The following THRAP3 variants were observed in gnomAD, a reference collection of about 807,000 sequenced individuals.
THRAP3 encodes the protein thyroid hormone receptor-associated protein 3.
In THRAP3, 16 loss-of-function variants were observed where a neutral mutation model predicts 101.0. The ratio of observed to expected loss-of-function variants is 0.16; its 90% CI spans 0.11 to 0.24. The LOEUF (loss-of-function observed/expected upper bound fraction) is 0.24. THRAP3 is among the 10% of genes least tolerant of loss of function. The pLI, the probability that THRAP3 is intolerant of heterozygous loss-of-function variation, is 1.00. For missense variants in THRAP3, 989 were observed against 1,202.7 expected, an observed-to-expected ratio of 0.82 and a Z score of 2.63; for synonymous variants, 407 against 422.6, an observed-to-expected ratio of 0.96 and a Z score of 0.45.
At chr1:36,282,321 A>G (rs151338428) in intron 2 of THRAP3, among the ~76,000 whole-genome samples, 4 of 147,860 alleles carry the variant, frequency 2.7e-5, no homozygotes, top group Non-Finnish European at 4.5e-5. Flanking sequence ...GTAACTTTGC[A>G]CTCCCTCCTG....
chr1:36,247,531 G>T (rs1427955036), intron 1 of THRAP3, among the ~76,000 whole-genome samples: 1 of 151,952 alleles, frequency 6.6e-6, no homozygotes, highest in African/African-American at 2.4e-5. Flanking sequence ...TTACCATGTT[G>T]GCCAAGCTGG....
At chr1:36,299,414 G>C (rs1327579992) in intron 9 of THRAP3, among the ~76,000 whole-genome samples, 1 of 151,852 alleles carries the variant, frequency 6.6e-6, no homozygotes, top group Admixed American at 6.6e-5. Context: ...ACTCCAGCCT[G>C]GCGACAGAGT....
At chr1:36,257,919 C>T (rs980390077) in intron 1 of THRAP3, among the ~76,000 whole-genome samples, 1 of 152,230 alleles carries the variant, frequency 6.6e-6, no homozygotes, top group Non-Finnish European at 1.5e-5. Context: ...CGGCACACTG[C>T]AACCTCTGCT....
intron 9 of THRAP3, among the ~76,000 whole-genome samples, chr1:36,298,299 A>G (rs1027625636): frequency 1.3e-5 from 2 of 152,144 alleles, no homozygotes; most frequent in Non-Finnish European, 2.9e-5. Context: ...GCGAATCCTC[A>G]GCAGGGAATG....
the THRAP3 span, among the ~76,000 whole-genome samples, chr1:36,215,203 G>A: frequency 5.0e-4 from 76 of 151,988 alleles, no homozygotes; most frequent in East Asian, 0.014. Context: ...CAGCCTGGGC[G>A]ACAGAGCGAG....
intron 5 of THRAP3, 106 bp from the exon 6 acceptor site, chr1:36,291,268 G>T: frequency 8.3e-7 from 1 of 1,200,280 alleles, no homozygotes; most frequent in East Asian, 2.6e-5. Flanking sequence ...AGGAAGAAAA[G>T]AAGTTTATAG....
chr1:36,209,453 G>C, the THRAP3 span, among the ~76,000 whole-genome samples: 1 of 152,158 alleles, frequency 6.6e-6, no homozygotes, highest in Non-Finnish European at 1.5e-5. Flanking sequence ...ATACCCAGTA[G>C]ATGTCAGCAG....
chr1:36,235,054 T>C (rs374111974), intron 1 of THRAP3, among the ~76,000 whole-genome samples: 1 of 152,180 alleles, frequency 6.6e-6, no homozygotes, highest in African/African-American at 2.4e-5. Context: ...CCTCAGGTGA[T>C]CCACCCGCCT....
chr1:36,296,549 C>T, intron 8 of THRAP3, 34 bp from the exon 9 acceptor site: 2 of 1,499,214 alleles, frequency 1.3e-6, no homozygotes, highest in East Asian at 2.4e-5. Flanking sequence ...GCTCTGAATC[C>T]CAGAAACCTT....
intron 2 of THRAP3, among the ~76,000 whole-genome samples, chr1:36,278,777 G>T (rs1285584179): frequency 6.6e-6 from 1 of 151,962 alleles, no homozygotes; most frequent in African/African-American, 2.4e-5. Context: ...CAAAAAATTA[G>T]CTGGGCATGG....
intron 1 of THRAP3, chr1:36,242,179 GT>G: frequency 6.4e-6 from 1 of 157,020 alleles, no homozygotes; most frequent in Non-Finnish European, 1.4e-5. Flanking sequence ...TCATTTATTT[GT>G]TTTTTGAGAC....
chr1:36,256,910 C>G (rs1645383232), intron 1 of THRAP3, among the ~76,000 whole-genome samples: 1 of 152,140 alleles, frequency 6.6e-6, no homozygotes, highest in African/African-American at 2.4e-5. Flanking sequence ...ATTCTCCTGC[C>G]TCAGCCTCCT....
At chr1:36,282,407 T>TC in intron 2 of THRAP3, 126 bp from the exon 3 acceptor site, 3 of 677,388 alleles carry the variant, frequency 4.4e-6, no homozygotes, top group Non-Finnish European at 7.0e-6. Context: ...TTTTTTTTTT[T>TC]TTTTTGTAGA....
the THRAP3 span, among the ~76,000 whole-genome samples, chr1:36,215,833 T>C: frequency 6.6e-6 from 1 of 151,610 alleles, no homozygotes; most frequent in African/African-American, 2.4e-5. Flanking sequence ...CAACGCAACC[T>C]CTGCCTCCCG....
the THRAP3 span, among the ~76,000 whole-genome samples, chr1:36,211,569 G>A: frequency 2.0e-5 from 3 of 152,124 alleles, no homozygotes; most frequent in South Asian, 2.1e-4. Flanking sequence ...AACATCCTGA[G>A]ATTACTCCAA....
the THRAP3 span, among the ~76,000 whole-genome samples, chr1:36,211,112 C>T: frequency 2.6e-5 from 4 of 151,692 alleles, no homozygotes; most frequent in South Asian, 4.2e-4. Flanking sequence ...CATTGGGAGG[C>T]CAAAGCAGGA....
At position 36,266,966 on chromosome 1, in the gene THRAP3, C is replaced by T. The variant is rs531631142; in HGVS notation, c.-32+7482C>T. ...CACGATCTTGGCTCACTGCAGCCTC[C>T]GCCTCCTGGGTTCAAGCAATTCTCC... On this transcript the variant is annotated intron_variant, in intron 2 of 11. Coordinates refer to ENST00000354618, the MANE Select transcript of THRAP3 (RefSeq NM_005119.4). 1.4e-3 allele frequency among the ~76,000 whole-genome samples: 218 copies of T among 151,978 alleles called. 2 individuals carry two copies. Among genetic ancestry groups the T allele is most frequent in the Non-Finnish European group, 5.7e-4 (39 of 67,970 alleles).
the THRAP3 span, among the ~76,000 whole-genome samples, chr1:36,208,623 T>G: frequency 6.6e-6 from 1 of 152,216 alleles, no homozygotes; most frequent in Non-Finnish European, 1.5e-5. Context: ...CTCTTTTTAT[T>G]GTGTAGTTTT....
At chr1:36,224,707 C>T (rs1190914130) in intron 1 of THRAP3, among the ~76,000 whole-genome samples, 1 of 152,202 alleles carries the variant, frequency 6.6e-6, no homozygotes, top group African/African-American at 2.4e-5. Flanking sequence ...AGGTCTTCCC[C>T]TGGCCCCGGC....
Sources: gnomAD v4.1 joint callset for allele counts (sites outside exome capture counted in the v4.1 genomes callset) on GRCh38, gnomAD v4.1.1 for gene constraint, MANE v1.5 for transcripts, NCBI Gene and HGNC (gene_info 2026-07-23, HGNC 2026-07-21) for gene names.